Variants in ATP10B observed in about 807,000 individuals in gnomAD.
ATP10B encodes phospholipid-transporting ATPase VB.
A neutral mutation model predicts 141.2 loss-of-function variants in ATP10B; 122 were observed. The ratio of observed to expected loss-of-function variants is 0.86; its 90% confidence interval spans 0.75 to 1.00. The LOEUF is 1.00. Ranked by LOEUF, ATP10B falls within the 50% of genes least tolerant of loss-of-function variation. The probability of loss-of-function intolerance (pLI) is 0.00; values close to 1 mark genes in which losing one functional copy is unlikely to be tolerated. For missense variants in ATP10B, 1,876 were observed against 1,825.3 expected, an observed-to-expected ratio of 1.03 and a Z score of -0.51; for synonymous variants, 685 against 692.0, an observed-to-expected ratio of 0.99 and a Z score of 0.16.
intron 25 of ATP10B, among the ~76,000 whole-genome samples, chr5:160,567,732 C>G (rs1373169144): frequency 6.6e-6 from 1 of 151,866 alleles, no homozygotes; most frequent in African/African-American, 2.4e-5. Flanking sequence ...CCAAGCAGAG[C>G]AGGGAGGAAT....
At chr5:160,893,012 GC>G in the ATP10B span, among the ~76,000 whole-genome samples, 3 of 152,102 alleles carry the variant, frequency 2.0e-5, no homozygotes, top group Non-Finnish European at 4.4e-5. Flanking sequence ...GTGCACTCCA[GC>G]CCAGATACTT....
At chr5:160,830,563 T>C (rs1314592630) in intron 1 of ATP10B, among the ~76,000 whole-genome samples, 9 of 152,136 alleles carry the variant, frequency 5.9e-5, no homozygotes, top group South Asian at 2.1e-4. Context: ...CCTTACTTTT[T>C]ACTTGTATTT....
At chr5:160,913,192 C>A in the ATP10B span, among the ~76,000 whole-genome samples, 95,036 of 152,088 alleles carry the variant, frequency 0.62, 31,001 homozygotes, top group African/African-American at 0.81. Flanking sequence ...TAAAAGATTC[C>A]AATTCTGGTC....
chr5:160,715,176 A>G (rs995505321), intron 3 of ATP10B, among the ~76,000 whole-genome samples: 3 of 148,090 alleles, frequency 2.0e-5, no homozygotes, highest in African/African-American at 7.6e-5. Flanking sequence ...TTGTTTACCT[A>G]AGCAAGCCTG....
chr5:160,833,868 ATAGT>A (rs1394146398), intron 1 of ATP10B, among the ~76,000 whole-genome samples: 2 of 152,172 alleles, frequency 1.3e-5, no homozygotes, highest in Non-Finnish European at 2.9e-5. Flanking sequence ...TTCATGCAAA[ATAGT>A]TAAATTATAA....
chr5:160,656,808 G>A (rs1430418773), intron 7 of ATP10B, among the ~76,000 whole-genome samples: 2 of 151,980 alleles, frequency 1.3e-5, no homozygotes, highest in Admixed American at 6.6e-5. Flanking sequence ...TATCATTCAC[G>A]AAAGATTCTG....
chr5:160,880,118 T>G, the ATP10B span, among the ~76,000 whole-genome samples: 1 of 147,976 alleles, frequency 6.8e-6, no homozygotes, highest in Non-Finnish European at 1.5e-5. Context: ...AAAGAAATTA[T>G]GTAAAAGAAA....
chr5:160,621,900 A>G (rs1260309510), intron 14 of ATP10B, among the ~76,000 whole-genome samples: 1 of 152,252 alleles, frequency 6.6e-6, no homozygotes, highest in Non-Finnish European at 1.5e-5. Flanking sequence ...ACAGAGAGCA[A>G]TATAGCACAA....
At chr5:160,833,608 T>C (rs890351206) in intron 1 of ATP10B, among the ~76,000 whole-genome samples, 1 of 152,112 alleles carries the variant, frequency 6.6e-6, no homozygotes, top group Admixed American at 6.6e-5. Flanking sequence ...AAATAGTCAA[T>C]TGTAGAAGTA....
chr5:160,685,994 G>A (rs1437362310), intron 6 of ATP10B, 85 bp downstream of exon 6: 13 of 1,052,408 alleles, frequency 1.2e-5, no homozygotes, highest in Non-Finnish European at 1.7e-5. Flanking sequence ...AAATAAAATC[G>A]AAGAAAAGAG....
rs560335493 is a variant in ATP10B at position 160,716,339 on chromosome 5, A to C, written c.-205+570T>G. Among the ~76,000 whole-genome samples, 5 of 152,318 alleles carry C rather than the reference A, an allele frequency of 3.3e-5. No individual in the cohort carries two copies. The South Asian group carries it at 1.0e-3, about 32-fold the overall frequency. On this transcript the variant is annotated intron_variant, in intron 3 of 25. Transcript: ENST00000327245. ...ACTACTATAAGCACTTTGCATGTCA[A>C]TATTAATTCATATAACTCTCATAAC... is the stretch of plus-strand genomic sequence containing the variant.
chr5:160,918,576 A>T, the ATP10B span, among the ~76,000 whole-genome samples: 1 of 152,134 alleles, frequency 6.6e-6, no homozygotes, highest in African/African-American at 2.4e-5. Flanking sequence ...ACACACATAA[A>T]TCCTACTTAC....
At chr5:160,753,361 G>T (rs371531329) in intron 2 of ATP10B, among the ~76,000 whole-genome samples, 1 of 152,124 alleles carries the variant, frequency 6.6e-6, no homozygotes, top group African/African-American at 2.4e-5. Context: ...TGCTGTTTAC[G>T]TGGAAAATTG....
chr5:160,652,901 T>TTATATATACATGTATATATAA (rs1760921164), intron 7 of ATP10B, among the ~76,000 whole-genome samples: 4 of 70,268 alleles, frequency 5.7e-5, no homozygotes, highest in East Asian at 7.7e-4. Flanking sequence ...ATATAATATA[T>TTATATATACATGTATATATAA]TATATATACA....
chr5:160,863,390 G>A, the ATP10B span, among the ~76,000 whole-genome samples: 40 of 151,954 alleles, frequency 2.6e-4, 1 homozygote, highest in African/African-American at 9.2e-4. Flanking sequence ...AAACTGAACT[G>A]GAGGAGAGGG....
At position 160,843,811 on chromosome 5, in the gene ATP10B, G is replaced by A. The variant is rs541783854; in HGVS notation, c.-576+8130C>T. Among the ~76,000 whole-genome samples, 5 of 152,156 alleles carry A rather than the reference G, an allele frequency of 3.3e-5. No individual in the cohort carries two copies. The South Asian group carries it at 8.3e-4, about 25-fold the overall frequency. ...GAACAAAACAATGCAGGGGTGTGAT[G>A]GGCAGTGAATTCATATTATTTTTCT... On this transcript the variant is annotated intron_variant, in intron 1 of 25. Transcript: ENST00000327245.
the ATP10B span, among the ~76,000 whole-genome samples, chr5:160,911,146 G>GT: frequency 6.6e-6 from 1 of 152,156 alleles, no homozygotes; most frequent in Non-Finnish European, 1.5e-5. Context: ...TCAAACTATT[G>GT]TTTCTTCTGG....
intron 1 of ATP10B, among the ~76,000 whole-genome samples, chr5:160,830,881 T>C (rs1055670150): frequency 6.6e-6 from 1 of 151,910 alleles, no homozygotes; most frequent in African/African-American, 2.4e-5. Flanking sequence ...CTCCAAACAA[T>C]ACCTTTGGTT....
chr5:160,620,774 T>C lies in ATP10B; in HGVS notation c.1989A>G (p.Arg663=), dbSNP rs763212642. 2 of 1,614,018 alleles carry C rather than the reference T, an allele frequency of 1.2e-6. No individual in the cohort carries two copies. The highest frequency in any genetic ancestry group is 1.7e-6 in the Non-Finnish European group (2 of 1,180,032). Residue 663 remains arginine, a synonymous_variant, in exon 15 of 26, where the codon AGA becomes AGG. Transcript: ENST00000327245. Reference sequence around the variant, plus strand: ...CTCCACTGCACACAGATGCATCATCTCTCTCATCCGAGTCTGTGGTGGCCA... The same window carrying C: ...CTCCACTGCACACAGATGCATCATCCCTCTCATCCGAGTCTGTGGTGGCCA... ...ANVATTDSDE[R]DDASVCSGGD...
Sources: gnomAD v4.1 joint callset for allele counts (sites outside exome capture counted in the v4.1 genomes callset) on GRCh38, gnomAD v4.1.1 for gene constraint, MANE v1.5 for transcripts, NCBI Gene and HGNC (gene_info 2026-07-23, HGNC 2026-07-21) for gene names.